The following SLIT3 variants were observed in gnomAD, a reference collection of about 807,000 sequenced individuals.
SLIT3 encodes slit homolog 3 protein.
Under a neutral mutation model 184.0 loss-of-function variants are expected in SLIT3, and 68 were observed. The ratio of observed to expected loss-of-function variants is 0.37; its 90% CI spans 0.30 to 0.45. The LOEUF is 0.45. SLIT3 is among the 20% of genes least tolerant of loss of function. SLIT3 has a pLI of 1.00. For synonymous variants in SLIT3, 831 were observed against 828.6 expected (o/e 1.00, Z -0.05); for missense variants, 1,707 against 2,026.0 (o/e 0.84, Z 3.02).
intron 20 of SLIT3, among the ~76,000 whole-genome samples, chr5:168,744,543 C>T (rs1356404404): frequency 4.6e-5 from 7 of 152,148 alleles, no homozygotes; most frequent in Admixed American, 4.6e-4. Context: ...AAAGGGCAGG[C>T]TGACTTTCTT....
At chr5:168,816,784 C>T (rs1757346402) in intron 8 of SLIT3, among the ~76,000 whole-genome samples, 1 of 152,224 alleles carries the variant, frequency 6.6e-6, no homozygotes, top group South Asian at 2.1e-4. Flanking sequence ...ACTTAATCCT[C>T]CCACCTGTTC....
chr5:169,161,895 CCTT>C (rs1762492738), intron 4 of SLIT3, among the ~76,000 whole-genome samples: 1 of 152,104 alleles, frequency 6.6e-6, no homozygotes, highest in Non-Finnish European at 1.5e-5. Context: ...GCTTCAGTAT[CCTT>C]CTCTGTACAA....
At chr5:168,795,706 T>C (rs976674010) in intron 9 of SLIT3, 128 bp from the exon 10 acceptor site, 5 of 739,904 alleles carry the variant, frequency 6.8e-6, no homozygotes, top group Admixed American at 4.0e-5. Flanking sequence ...GGTCTGGTTG[T>C]GGCAGACCAG....
chr5:169,296,611 T>C (rs73321506), intron 1 of SLIT3, among the ~76,000 whole-genome samples: 1,583 of 152,272 alleles, frequency 0.01, 33 homozygotes, highest in African/African-American at 0.036. Context: ...TTGAGCATCT[T>C]GGAAAGTCTC....
At chr5:168,724,312 C>G (rs1184375016) in intron 21 of SLIT3, 104 bp downstream of exon 21, 5 of 804,430 alleles carry the variant, frequency 6.2e-6, no homozygotes, top group Non-Finnish European at 9.5e-6. Flanking sequence ...TCAATTACCA[C>G]TTGCATCAGC....
chr5:168,748,472 A>AGGGTTG lies in SLIT3; in HGVS notation c.2138-39_2138-38insCAACCC. 3 of 1,500,822 alleles carry AGGGTTG rather than the reference A, an allele frequency of 2.0e-6. No individual in the cohort carries two copies. The South Asian group carries it at 4.1e-5, about 20-fold the overall frequency. 93.0% of individuals were successfully genotyped at this position (1,500,822 alleles called of 1,614,324 possible). A position where few individuals can be genotyped will look rare whatever the true frequency, so the allele number is the denominator to read the frequency against. The stretch of plus-strand genomic sequence containing the variant: ...CCAGAGAGGGTGAGGGTTGTGGGAG[A>AGGGTTG]TAAGCCCCACTAGGGGGAGCCAGTG... On this transcript the variant is annotated intron_variant, in intron 19 of 35. Coordinates refer to ENST00000519560, the MANE Select transcript of SLIT3 (RefSeq NM_003062.4).
At chr5:168,693,832 C>A (rs531771362) in intron 28 of SLIT3, among the ~76,000 whole-genome samples, 1 of 152,140 alleles carries the variant, frequency 6.6e-6, no homozygotes, top group African/African-American at 2.4e-5. Flanking sequence ...CTGAACCCCT[C>A]CCTCTCCAAA....
intron 4 of SLIT3, among the ~76,000 whole-genome samples, chr5:169,132,820 G>A (rs1168453756): frequency 2.0e-5 from 3 of 152,002 alleles, no homozygotes; most frequent in Admixed American, 2.0e-4. Context: ...AATCCCTCTG[G>A]ACATTTATTT....
intron 7 of SLIT3, among the ~76,000 whole-genome samples, 194 bp from the exon 8 acceptor site, chr5:168,817,657 A>G (rs878989306): frequency 6.6e-6 from 1 of 152,236 alleles, no homozygotes; most frequent in African/African-American, 2.4e-5. Flanking sequence ...GGTCACATCC[A>G]AAGGATGCCT....
chr5:169,153,609 CTGA>C (rs969862759), intron 4 of SLIT3, among the ~76,000 whole-genome samples: 10 of 152,246 alleles, frequency 6.6e-5, no homozygotes, highest in African/African-American at 2.4e-4. Context: ...CTAGGACAGG[CTGA>C]ACGTCAGGCA....
intron 15 of SLIT3, among the ~76,000 whole-genome samples, chr5:168,761,921 A>AAATT (rs1554139194): frequency 1.8e-4 from 20 of 110,494 alleles, no homozygotes; most frequent in African/African-American, 3.9e-4. Flanking sequence ...AAAAAAAAAA[A>AAATT]TTTTTTTTTT....
At chr5:169,230,337 A>T (rs1430705381) in intron 3 of SLIT3, among the ~76,000 whole-genome samples, 1 of 152,164 alleles carries the variant, frequency 6.6e-6, no homozygotes, top group Admixed American at 6.6e-5. Context: ...TCATGCTCTG[A>T]ATCTCTGCAT....
chr5:168,880,002 T>C (rs1351524788), intron 5 of SLIT3, among the ~76,000 whole-genome samples: 1 of 152,236 alleles, frequency 6.6e-6, no homozygotes. Flanking sequence ...TGTCTGAACT[T>C]GGAACTAATC....
intron 4 of SLIT3, among the ~76,000 whole-genome samples, chr5:169,097,749 G>C (rs1759842483): frequency 2.0e-5 from 3 of 152,166 alleles, no homozygotes; most frequent in Non-Finnish European, 1.5e-5. Context: ...GTGCCTTGGA[G>C]CTTGCTCTGT....
intron 5 of SLIT3, among the ~76,000 whole-genome samples, chr5:168,854,051 CAG>C (rs1256722650): frequency 6.6e-6 from 1 of 152,098 alleles, no homozygotes; most frequent in Non-Finnish European, 1.5e-5. Context: ...AACCGAGGTT[CAG>C]AGAGGTTGTT....
intron 4 of SLIT3, among the ~76,000 whole-genome samples, chr5:169,123,744 AAGCAATGG>A (rs1760974675): frequency 6.6e-6 from 1 of 152,218 alleles, no homozygotes; most frequent in Admixed American, 6.5e-5. Flanking sequence ...GGCACAATCA[AAGCAATGG>A]CTACCAAGAG....
intron 4 of SLIT3, among the ~76,000 whole-genome samples, chr5:169,033,517 T>C (rs1757117950): frequency 6.6e-6 from 1 of 152,178 alleles, no homozygotes. Context: ...GGAATATCCA[T>C]ACTATTTTAC....
intron 6 of SLIT3, among the ~76,000 whole-genome samples, chr5:168,836,945 T>C (rs1346353235): frequency 6.6e-6 from 1 of 152,016 alleles, no homozygotes; most frequent in African/African-American, 2.4e-5. Context: ...TGCTACTTAC[T>C]TAAATGGAAA....
intron 16 of SLIT3, among the ~76,000 whole-genome samples, chr5:168,754,448 G>A (rs1034382371): frequency 3.9e-5 from 6 of 152,154 alleles, no homozygotes; most frequent in African/African-American, 1.4e-4. Context: ...TGATCTCATG[G>A]AGGGAGACAG....
Sources: allele counts gnomAD v4.1 joint callset (sites outside exome capture counted in the v4.1 genomes callset), GRCh38; gene constraint gnomAD v4.1.1; transcripts MANE v1.5; gene names NCBI Gene and HGNC (gene_info 2026-07-23, HGNC 2026-07-21).